The following TRAK1 variants were observed in gnomAD, a reference collection of about 807,000 sequenced individuals.
TRAK1 encodes trafficking kinesin protein 1.
TRAK1 carries 33 observed loss-of-function variants against 92.1 expected under a neutral mutation model. The ratio of observed to expected loss-of-function variants is 0.36; its 90% CI spans 0.27 to 0.48. The LOEUF is 0.48. TRAK1 is among the 20% of genes least tolerant of loss of function. The probability of loss-of-function intolerance (pLI) is 0.99; values close to 1 mark genes in which losing one functional copy is unlikely to be tolerated. For missense variants in TRAK1, 1,123 were observed against 1,257.9 expected (o/e 0.89, Z 1.62); for synonymous variants, 521 against 517.3 (o/e 1.01, Z -0.10).
intron 1 of TRAK1, among the ~76,000 whole-genome samples, chr3:42,114,748 T>C (rs1429334610): frequency 1.3e-5 from 2 of 152,204 alleles, no homozygotes; most frequent in East Asian, 3.8e-4. Context: ...AGTCTCCCTC[T>C]GTTGCCCAGG....
intron 2 of TRAK1, among the ~76,000 whole-genome samples, chr3:42,139,340 G>A (rs1422980975): frequency 2.0e-5 from 3 of 152,078 alleles, no homozygotes; most frequent in Non-Finnish European, 4.4e-5. Context: ...TGACACAGAC[G>A]TCTGCAGGAT....
chr3:42,205,612 TC>T (rs1374594821), intron 13 of TRAK1, among the ~76,000 whole-genome samples: 1 of 152,202 alleles, frequency 6.6e-6, no homozygotes. Context: ...AATTTGCACT[TC>T]CTTTCTGCTT....
At chr3:42,187,334 A>T (rs1201542130) in intron 4 of TRAK1, among the ~76,000 whole-genome samples, 1 of 152,148 alleles carries the variant, frequency 6.6e-6, no homozygotes, top group Non-Finnish European at 1.5e-5. Flanking sequence ...TGGAGTTGGG[A>T]TTTGGTTCTG....
chr3:42,104,890 TAAC>T (rs1320992380), intron 1 of TRAK1, among the ~76,000 whole-genome samples: 1 of 150,896 alleles, frequency 6.6e-6, no homozygotes, highest in Non-Finnish European at 1.5e-5. Context: ...CGATCGGTAA[TAAC>T]AAACTTCTCC....
intron 14 of TRAK1, among the ~76,000 whole-genome samples, chr3:42,216,138 G>A (rs907243375): frequency 9.2e-5 from 14 of 152,150 alleles, no homozygotes; most frequent in Non-Finnish European, 1.8e-4. Flanking sequence ...GGGCCCCACC[G>A]GAGTGTCCCA....
chr3:42,214,527 C>T (rs1709441344), intron 14 of TRAK1, among the ~76,000 whole-genome samples: 1 of 152,208 alleles, frequency 6.6e-6, no homozygotes, highest in Non-Finnish European at 1.5e-5. Context: ...CTAGAAGATA[C>T]CCCAGGGGCA....
chr3:42,016,165 T>G (rs1701516324), intron 1 of TRAK1, among the ~76,000 whole-genome samples: 1 of 152,212 alleles, frequency 6.6e-6, no homozygotes, highest in African/African-American at 2.4e-5. Flanking sequence ...GTTTGCCATC[T>G]TAAGTGGACT....
In TRAK1 at chr3:42,193,157, CA is replaced by C; in HGVS notation, c.853del (p.Thr285HisfsTer7). On this transcript the variant is annotated frameshift_variant, in exon 8 of 16. Transcript: ENST00000327628. LOFTEE classifies it high-confidence loss of function. Reference protein sequence around the residue: ...EDAARQQEEITHLLSQIVDLQ... With the variant: ...EDAARQQEEIXHLLSQIVDLQ... Reference sequence around the variant, plus strand: ...ATGCTGCCCGCCAGCAAGAGGAGATCACACACCTGCTATCGCAAATAGTTGA... The same window carrying C: ...ATGCTGCCCGCCAGCAAGAGGAGATCCACACCTGCTATCGCAAATAGTTGA... 1 of 1,614,148 alleles carries C rather than the reference CA, an allele frequency of 6.2e-7. No homozygotes were observed. Among genetic ancestry groups the C allele is most frequent in the Non-Finnish European group, 8.5e-7 (1 of 1,180,004 alleles).
rs181222700 is a variant in TRAK1 at position 42,098,818 on chromosome 3, G to A, written c.91+7258G>A. On this transcript the variant is annotated intron_variant, in intron 1 of 15. Transcript: ENST00000327628. ...AGCCCAGTTGCAGGGAGAGCAAGAT[G>A]GACAGGTGGTTTCATCCAGAATTGG... 7.9e-5 allele frequency among the ~76,000 whole-genome samples: 12 copies of A among 152,276 alleles called. No individual in the cohort carries two copies. In the East Asian group the frequency reaches 2.3e-3, roughly 29 times the overall value.
In TRAK1 at chr3:42,068,179, A is replaced by G. The variant is rs544007654; in HGVS notation, c.-518-18925A>G. ...TGTCTAAAAAAAAAAAAGAAGAAAC[A>G]GGATCTTACTCTGCCACCCAGGCTG... is the stretch of plus-strand genomic sequence containing the variant. On this transcript the variant is annotated intron_variant, in intron 1 of 16. Transcript: ENST00000487159. Among the ~76,000 whole-genome samples, 9 of 152,084 alleles carry G rather than the reference A, an allele frequency of 5.9e-5. No homozygotes were observed. In the South Asian group the frequency reaches 1.9e-3, roughly 32 times the overall value.
At chr3:42,163,280 C>T (rs895850160) in intron 2 of TRAK1, among the ~76,000 whole-genome samples, 3 of 152,074 alleles carry the variant, frequency 2.0e-5, no homozygotes, top group Admixed American at 6.6e-5. Flanking sequence ...AGAAATGCAC[C>T]TTCTTGGAGG....
intron 2 of TRAK1, among the ~76,000 whole-genome samples, chr3:42,134,233 T>C (rs1020752863): frequency 3.8e-4 from 52 of 135,818 alleles, no homozygotes; most frequent in African/African-American, 1.4e-3. Flanking sequence ...CCTCTCCCCT[T>C]CCCTCCCCTC....
intron 1 of TRAK1, among the ~76,000 whole-genome samples, chr3:42,115,078 C>T (rs982118086): frequency 2.0e-5 from 3 of 152,132 alleles, no homozygotes; most frequent in Non-Finnish European, 4.4e-5. Flanking sequence ...CTTTTTATTT[C>T]CTAGCAAAAC....
chr3:42,135,695 T>A (rs1697869685), intron 2 of TRAK1, among the ~76,000 whole-genome samples: 1 of 152,238 alleles, frequency 6.6e-6, no homozygotes, highest in Non-Finnish European at 1.5e-5. Context: ...CTCTTCCTCG[T>A]CTGACTAGTC....
At chr3:42,028,701 G>A (rs567803806) in intron 1 of TRAK1, among the ~76,000 whole-genome samples, 4 of 152,326 alleles carry the variant, frequency 2.6e-5, no homozygotes, top group South Asian at 2.1e-4. Flanking sequence ...GATAGTGGAC[G>A]TGGATGAAGC....
upstream of TRAK1, among the ~76,000 whole-genome samples, chr3:42,086,816 C>T (rs943957097): frequency 6.6e-6 from 1 of 152,292 alleles, no homozygotes; most frequent in South Asian, 2.1e-4. Context: ...CAGGTTTTAG[C>T]TGTGCTCCAG....
Position 42,110,030 on chromosome 3 carries a change from A to G in TRAK1, c.92-15390A>G, listed in dbSNP as rs187052563. 8.8e-3 allele frequency among the ~76,000 whole-genome samples: 1,224 copies of G among 139,560 alleles called. 7 individuals carry two copies. The highest frequency in any genetic ancestry group is 0.018 in the African/African-American group (679 of 38,604). 91.6% of individuals were successfully genotyped at this position (139,560 alleles called of 152,430 possible). Reference sequence around the variant, plus strand: ...ATGAGTTAATGGGTGCAGCACACCAACATGGCACATGTATACATATGTAGC... The same window carrying G: ...ATGAGTTAATGGGTGCAGCACACCAGCATGGCACATGTATACATATGTAGC... On this transcript the variant is annotated intron_variant, in intron 1 of 15. Coordinates refer to ENST00000327628, the MANE Select transcript of TRAK1 (RefSeq NM_001042646.3).
chr3:42,100,869 A>G (rs1157729890), intron 1 of TRAK1, among the ~76,000 whole-genome samples: 2 of 151,982 alleles, frequency 1.3e-5, no homozygotes. Flanking sequence ...GGGTTTCACC[A>G]TATTGGCCAG....
chr3:42,215,499 G>A (rs923668610), intron 14 of TRAK1, among the ~76,000 whole-genome samples: 2 of 71,204 alleles, frequency 2.8e-5, no homozygotes, highest in Non-Finnish European at 5.5e-5. Context: ...TGCCACTGTT[G>A]GGGTGTGTGT....
Sources: allele counts gnomAD v4.1 joint callset (sites outside exome capture counted in the v4.1 genomes callset), GRCh38; gene constraint gnomAD v4.1.1; transcripts MANE v1.5; gene names NCBI Gene and HGNC (gene_info 2026-07-23, HGNC 2026-07-21).